GLG1: variants seen among roughly 807,000 people sequenced by gnomAD.
GLG1 encodes the protein Golgi apparatus protein 1.
In GLG1, 38 loss-of-function variants were observed where a neutral mutation model predicts 160.5. The observed-to-expected ratio is 0.24, with a 90% confidence interval of 0.18 to 0.31. The LOEUF (loss-of-function observed/expected upper bound fraction) is 0.31. GLG1 is among the 10% of genes least tolerant of loss of function. GLG1 has a pLI of 1.00. For synonymous variants in GLG1, 644 were observed against 543.4 expected, an observed-to-expected ratio of 1.19 and a Z score of -2.57; for missense variants, 1,373 against 1,505.2, an observed-to-expected ratio of 0.91 and a Z score of 1.45.
intron 1 of GLG1, among the ~76,000 whole-genome samples, chr16:74,564,070 G>A (rs2018582303): frequency 1.3e-5 from 2 of 152,162 alleles, no homozygotes; most frequent in African/African-American, 2.4e-5. Flanking sequence ...ACCAGCATGT[G>A]CCACGAGGCC....
chr16:74,587,802 G>A lies in GLG1; in HGVS notation c.438+18855C>T, dbSNP rs185327793. 2.6e-3 allele frequency among the ~76,000 whole-genome samples: 389 copies of A among 151,958 alleles called. 1 individual carries two copies. The highest frequency in any genetic ancestry group is 8.8e-3 in the African/African-American group (365 of 41,438). ...ACCTGGGAGGCGGAGGTTGCAGTGAGCTGAGACTACACCACTGCACTCCAG... is the reference window on the plus strand; with the variant it reads ...ACCTGGGAGGCGGAGGTTGCAGTGAACTGAGACTACACCACTGCACTCCAG... On this transcript the variant is annotated intron_variant, in intron 1 of 25. Transcript: ENST00000422840.
At chr16:74,507,053 T>C (rs2016638979) in intron 3 of GLG1, among the ~76,000 whole-genome samples, 1 of 152,196 alleles carries the variant, frequency 6.6e-6, no homozygotes, top group African/African-American at 2.4e-5. Context: ...TGATGTTGTT[T>C]TTCTCCCTGG....
intron 2 of GLG1, among the ~76,000 whole-genome samples, chr16:74,512,094 G>A (rs142621656): frequency 2.0e-4 from 30 of 151,476 alleles, no homozygotes; most frequent in African/African-American, 7.0e-4. Context: ...CACCCATTCT[G>A]TCACACTTTA....
chr16:74,566,020 G>C (rs1217779857), intron 1 of GLG1, among the ~76,000 whole-genome samples: 1 of 152,150 alleles, frequency 6.6e-6, no homozygotes, highest in African/African-American at 2.4e-5. Flanking sequence ...CCCTCAATTT[G>C]GGTTTGTGTG....
intron 13 of GLG1, chr16:74,473,068 T>TA (rs2015264499): frequency 1.3e-5 from 2 of 154,770 alleles, no homozygotes; most frequent in Non-Finnish European, 2.9e-5. Context: ...ACAATTCAAA[T>TA]AGAGTACTAA....
chr16:74,525,026 A>C (rs1169079870), intron 2 of GLG1, among the ~76,000 whole-genome samples: 1 of 152,120 alleles, frequency 6.6e-6, no homozygotes, highest in Non-Finnish European at 1.5e-5. Context: ...TGGCCACATC[A>C]TGTTTTATTT....
intron 1 of GLG1, among the ~76,000 whole-genome samples, chr16:74,567,982 G>A (rs2018708116): frequency 6.6e-6 from 1 of 152,190 alleles, no homozygotes; most frequent in African/African-American, 2.4e-5. Flanking sequence ...TCCTGACACA[G>A]ATAGAGCAAA....
At chr16:74,523,205 T>C (rs1239496717) in intron 2 of GLG1, among the ~76,000 whole-genome samples, 2 of 152,256 alleles carry the variant, frequency 1.3e-5, no homozygotes, top group Admixed American at 1.3e-4. Context: ...TTTTCCTATT[T>C]AGAAATTTTA....
In GLG1 at chr16:74,452,110, T is replaced by C; in HGVS notation, c.*1057A>G. On this transcript the variant is annotated 3_prime_UTR_variant, in exon 26 of 26. Transcript: ENST00000422840. The stretch of plus-strand genomic sequence containing the variant: ...ACCACACTAAACCTTTATAAGCCAT[T>C]GTCTCTGACCTGTATTGTAGCCTGA... 2 of 1,614,078 alleles carry C rather than the reference T, an allele frequency of 1.2e-6. No homozygotes were observed. The highest frequency in any genetic ancestry group is 1.7e-6 in the Non-Finnish European group (2 of 1,179,942).
At chr16:74,548,028 C>G (rs1010413435) in intron 1 of GLG1, among the ~76,000 whole-genome samples, 43 of 152,362 alleles carry the variant, frequency 2.8e-4, no homozygotes, top group African/African-American at 9.9e-4. Context: ...CCTCTGCATT[C>G]AAACGATTCT....
In GLG1 at chr16:74,493,156, A is replaced by G; in HGVS notation, c.1051-16T>C. On this transcript the variant is annotated splice_polypyrimidine_tract_variant and intron_variant, in intron 6 of 25. Coordinates refer to ENST00000422840, the MANE Select transcript of GLG1 (RefSeq NM_001145667.2). ...CTTCTCGACACTGAGGAAAGAGTAC[A>G]GCAACAGCCGTGAGACCACTCATGT... is the stretch of plus-strand genomic sequence containing the variant. The G allele has an allele frequency of 2.5e-6, 4 of 1,588,220 alleles. No individual in the cohort carries two copies. Among genetic ancestry groups the G allele is most frequent in the South Asian group, 1.1e-5 (1 of 88,784 alleles).
intron 1 of GLG1, among the ~76,000 whole-genome samples, chr16:74,596,553 A>T (rs1261153265): frequency 6.6e-6 from 1 of 152,206 alleles, no homozygotes; most frequent in Non-Finnish European, 1.5e-5. Flanking sequence ...GATATTATGC[A>T]TCCTTTTGGT....
At chr16:74,581,223 C>A (rs1294593015) in intron 1 of GLG1, among the ~76,000 whole-genome samples, 2 of 151,978 alleles carry the variant, frequency 1.3e-5, no homozygotes, top group African/African-American at 4.8e-5. Context: ...TCACAAAAGC[C>A]AAAAGGTAGA....
chr16:74,494,219 CCA>C (rs1379245058), intron 6 of GLG1, among the ~76,000 whole-genome samples: 1 of 151,660 alleles, frequency 6.6e-6, no homozygotes, highest in African/African-American at 2.4e-5. Context: ...AAAAAAACCA[CCA>C]CAGTGAGAAC....
At chr16:74,472,437 C>T (rs1404408265) in intron 13 of GLG1, 26 bp from the exon 14 acceptor site, 9 of 1,550,490 alleles carry the variant, frequency 5.8e-6, no homozygotes, top group Non-Finnish European at 7.1e-6. Context: ...TATATTAATA[C>T]TTCTGCTTTA....
chr16:74,595,132 G>A (rs1244766154), intron 1 of GLG1, among the ~76,000 whole-genome samples: 2 of 151,622 alleles, frequency 1.3e-5, no homozygotes, highest in African/African-American at 4.8e-5. Flanking sequence ...AGCTTGCAGT[G>A]AGCGGAGATC....
chr16:74,462,434 CCAGGGACAGAGGCT>C (rs1181384995), intron 21 of GLG1, 40 bp downstream of exon 21: 2 of 1,523,956 alleles, frequency 1.3e-6, no homozygotes, highest in East Asian at 4.5e-5. Context: ...GAGAAAATTC[CCAGGGACAGAGGCT>C]CCATAAATAC....
chr16:74,523,497 G>A (rs2017237977), intron 2 of GLG1, among the ~76,000 whole-genome samples: 1 of 152,042 alleles, frequency 6.6e-6, no homozygotes, highest in East Asian at 1.9e-4. Context: ...ATATGGGATT[G>A]CACAGAATCT....
intron 9 of GLG1, among the ~76,000 whole-genome samples, chr16:74,484,899 T>A (rs1440304545): frequency 6.6e-6 from 1 of 151,954 alleles, no homozygotes; most frequent in Admixed American, 6.6e-5. Context: ...ATTACAGGTG[T>A]GAGCCACCAC....
Sources: gnomAD v4.1 joint callset for allele counts (sites outside exome capture counted in the v4.1 genomes callset) on GRCh38, gnomAD v4.1.1 for gene constraint, MANE v1.5 for transcripts, NCBI Gene and HGNC (gene_info 2026-07-23, HGNC 2026-07-21) for gene names.